The following CDH18 variants were observed in gnomAD, a reference collection of about 807,000 sequenced individuals.
CDH18 encodes the protein cadherin 18.
CDH18 carries 31 observed loss-of-function variants against 67.9 expected under a neutral mutation model. The observed-to-expected ratio is 0.46, with a 90% confidence interval of 0.34 to 0.62. CDH18 has a LOEUF of 0.62. Ranked by LOEUF, CDH18 falls within the 20% of genes least tolerant of loss-of-function variation. The probability of loss-of-function intolerance (pLI) is 0.01; values close to 1 mark genes in which losing one functional copy is unlikely to be tolerated. For missense variants in CDH18, 890 were observed against 975.5 expected (o/e 0.91, Z 1.17); for synonymous variants, 362 against 347.2 (o/e 1.04, Z -0.48).
At chr5:20,496,141 T>C (rs1284017627) in intron 1 of CDH18, among the ~76,000 whole-genome samples, 1 of 152,132 alleles carries the variant, frequency 6.6e-6, no homozygotes, top group African/African-American at 2.4e-5. Flanking sequence ...ACACACCATA[T>C]ACTGAGAAAG....
At position 20,204,641 on chromosome 5, in the gene CDH18, G is replaced by A. The variant is rs186254598; in HGVS notation, c.-518+50803C>T. 9.9e-5 allele frequency among the ~76,000 whole-genome samples: 15 copies of A among 152,022 alleles called. No individual in the cohort carries two copies. The East Asian group carries it at 1.6e-3, about 16-fold the overall frequency. ...TATAATGTGTAATTCACTAATAACT[G>A]TAGAATGAAGCCTAAAAGAGAAACC... is the stretch of plus-strand genomic sequence containing the variant. On this transcript the variant is annotated intron_variant, in intron 2 of 14. Coordinates refer to the CDH18 transcript ENST00000507958.
intron 2 of CDH18, among the ~76,000 whole-genome samples, chr5:19,915,448 C>T (rs1791655455): frequency 1.3e-5 from 2 of 152,102 alleles, no homozygotes; most frequent in Non-Finnish European, 2.9e-5. Flanking sequence ...CTACTGTTGA[C>T]TGGAAGCCTT....
intron 5 of CDH18, among the ~76,000 whole-genome samples, chr5:19,684,308 T>C (rs7729557): frequency 6.6e-6 from 1 of 151,354 alleles, no homozygotes; most frequent in Admixed American, 6.6e-5. Flanking sequence ...AGCATTTAAT[T>C]TATACATTTT....
intron 1 of CDH18, among the ~76,000 whole-genome samples, chr5:19,985,268 T>C (rs922304200): frequency 1.3e-5 from 2 of 152,106 alleles, no homozygotes; most frequent in Non-Finnish European, 2.9e-5. Context: ...GGAGGGGATT[T>C]ATCTGTAGAG....
chr5:19,745,775 G>A (rs1769912775), intron 4 of CDH18, among the ~76,000 whole-genome samples: 1 of 152,040 alleles, frequency 6.6e-6, no homozygotes, highest in Admixed American at 6.6e-5. Context: ...CTTCAGCTAA[G>A]GAAGAAGACC....
At position 19,765,911 on chromosome 5, in the gene CDH18, G is replaced by A. The variant is rs147222175; in HGVS notation, c.229-18675C>T. Among the ~76,000 whole-genome samples the A allele has an allele frequency of 6.0e-5, 9 of 150,304 alleles. No homozygotes were observed. The East Asian group carries it at 1.2e-3, about 20-fold the overall frequency. On this transcript the variant is annotated intron_variant, in intron 3 of 12. Coordinates refer to ENST00000382275, the MANE Select transcript of CDH18 (RefSeq NM_004934.5). ...TTTTTTTCTTTTGAGACAGAGTCTC[G>A]CTCTGCCACCCAGGCTGGAGTGCAA...
At chr5:19,793,263 C>T (rs189950670) in intron 3 of CDH18, among the ~76,000 whole-genome samples, 1 of 152,214 alleles carries the variant, frequency 6.6e-6, no homozygotes, top group East Asian at 1.9e-4. Context: ...TTATTACCCA[C>T]CTTAAGCCTA....
At chr5:19,603,781 G>A (rs1045440158) in intron 6 of CDH18, among the ~76,000 whole-genome samples, 3 of 149,198 alleles carry the variant, frequency 2.0e-5, no homozygotes, top group African/African-American at 4.9e-5. Flanking sequence ...TCAATTTTAG[G>A]CACCAAATTG....
chr5:19,996,094 G>A (rs2150394393), intron 2 of CDH18, among the ~76,000 whole-genome samples: 1 of 152,134 alleles, frequency 6.6e-6, no homozygotes, highest in African/African-American at 2.4e-5. Flanking sequence ...AGAACTTAAG[G>A]TTGACCAAAT....
At chr5:19,948,154 T>C (rs13172484) in intron 2 of CDH18, among the ~76,000 whole-genome samples, 92,134 of 152,028 alleles carry the variant, frequency 0.61, 28,381 homozygotes, top group Middle Eastern at 0.74. Flanking sequence ...ATCATTCATG[T>C]GTTACTGGTA....
chr5:20,235,088 G>A (rs1001867511), intron 2 of CDH18, among the ~76,000 whole-genome samples: 11 of 152,136 alleles, frequency 7.2e-5, no homozygotes, highest in Admixed American at 3.9e-4. Context: ...ACAGAAGAAT[G>A]AAACTGGACA....
intron 1 of CDH18, among the ~76,000 whole-genome samples, chr5:20,298,194 T>C (rs749726055): frequency 2.6e-5 from 4 of 152,182 alleles, no homozygotes; most frequent in Admixed American, 6.5e-5. Context: ...TATCTATCTC[T>C]TTTGTAAAAT....
rs78743892 is a variant in CDH18, at chr5:20,279,393, A to T, written c.-579-23888T>A. Among the ~76,000 whole-genome samples, 1,173 of 152,160 alleles carry T rather than the reference A, an allele frequency of 7.7e-3. 71 individuals are homozygous for T. The East Asian group carries it at 0.16, about 21-fold the overall frequency. ...ACTCACCCCACACTGGAGTACACAG[A>T]TATATAAAGCAAATACTATAAGAGG... On this transcript the variant is annotated intron_variant, in intron 1 of 14. Coordinates refer to the CDH18 transcript ENST00000507958.
At chr5:19,852,274 CA>C (rs1386677095) in intron 2 of CDH18, among the ~76,000 whole-genome samples, 4 of 151,976 alleles carry the variant, frequency 2.6e-5, no homozygotes, top group African/African-American at 9.7e-5. Context: ...CTTGAGTTCT[CA>C]TGCTGGAAAA....
intron 2 of CDH18, among the ~76,000 whole-genome samples, chr5:20,103,818 A>AT (rs1336042487): frequency 2.0e-5 from 3 of 150,936 alleles, no homozygotes; most frequent in South Asian, 2.1e-4. Flanking sequence ...AAAAGAAAAA[A>AT]AAAACTTGAG....
chr5:19,766,746 A>T (rs1318049354), intron 3 of CDH18, among the ~76,000 whole-genome samples: 1 of 151,976 alleles, frequency 6.6e-6, no homozygotes, highest in Non-Finnish European at 1.5e-5. Flanking sequence ...TCCACATCTA[A>T]TCCCCTTCAA....
Position 19,543,955 on chromosome 5 carries a change from G to T in CDH18, c.1304C>A (p.Ala435Asp), listed in dbSNP as rs768794627. The T allele has an allele frequency of 1.3e-6, 2 of 1,593,194 alleles. No homozygotes were observed. Among genetic ancestry groups the T allele is most frequent in the South Asian group, 1.1e-5 (1 of 88,912 alleles). ...VEDDRFFNIDANTGTIRTTKV... is the reference protein window; with the variant it reads ...VEDDRFFNIDDNTGTIRTTKV... Reference sequence around the variant, plus strand: ...TGTAGTCCTAATGGTCCCAGTATTGGCATCAATGTTGAAAAATCTGTCGTC... The same window carrying T: ...TGTAGTCCTAATGGTCCCAGTATTGTCATCAATGTTGAAAAATCTGTCGTC... The change falls in exon 9 of 13, where the codon GCC (alanine) becomes GAC (aspartate). Residue 435 changes from alanine (A) to aspartate (D), a missense_variant. Around this residue, in one of 2 missense-constraint regions of CDH18, gnomAD observed 656 missense variants for 668.1 expected, o/e 0.98. Transcript: ENST00000382275.
intron 1 of CDH18, among the ~76,000 whole-genome samples, chr5:20,269,032 A>C (rs1745249906): frequency 6.6e-6 from 1 of 152,186 alleles, no homozygotes; most frequent in Non-Finnish European, 1.5e-5. Context: ...GAACACCAAC[A>C]ACAGCAAAAC....
At chr5:19,613,683 G>A (rs1190005557) in intron 5 of CDH18, among the ~76,000 whole-genome samples, 1 of 152,046 alleles carries the variant, frequency 6.6e-6, no homozygotes, top group African/African-American at 2.4e-5. Context: ...AAATTTAATA[G>A]CTCTGTTAAT....
Sources: allele counts gnomAD v4.1 joint callset (sites outside exome capture counted in the v4.1 genomes callset), GRCh38; gene constraint gnomAD v4.1.1; regional missense constraint gnomAD v4.1.1; transcripts MANE v1.5; gene names NCBI Gene and HGNC (gene_info 2026-07-23, HGNC 2026-07-21).